SPCS2: variants seen among roughly 807,000 people sequenced by gnomAD.
SPCS2 encodes signal peptidase complex subunit 2.
In SPCS2, 3 loss-of-function variants were observed where a neutral mutation model predicts 22.3. The ratio of observed to expected loss-of-function variants is 0.13; its 90% CI spans 0.06 to 0.35. The LOEUF (loss-of-function observed/expected upper bound fraction) is 0.35. Among genes scored for constraint, SPCS2 ranks in the 10% least tolerant of loss-of-function variants. SPCS2 has a pLI of 1.00. For synonymous variants in SPCS2, 67 were observed against 97.2 expected, an observed-to-expected ratio of 0.69 and a Z score of 1.83; for missense variants, 169 against 280.9, an observed-to-expected ratio of 0.60 and a Z score of 2.85.
At position 74,974,988 on chromosome 11, in the gene SPCS2, G is replaced by A. The variant is rs1295651761; in HGVS notation, c.495-1869G>A. ...GTCTATTCCCAGGACAGCAAGCAAA[G>A]TGATCCTTTTGAAACATAAGTCAGA... On this transcript the variant is annotated intron_variant, in intron 4 of 4. Coordinates refer to ENST00000263672, the MANE Select transcript of SPCS2 (RefSeq NM_014752.3). Among the ~76,000 whole-genome samples, 9 of 152,252 alleles carry A rather than the reference G, an allele frequency of 5.9e-5. No individual in the cohort carries two copies. The East Asian group carries it at 1.7e-3, about 29-fold the overall frequency.
At chr11:74,975,046 A>G (rs1470134819) in intron 4 of SPCS2, among the ~76,000 whole-genome samples, 1 of 152,104 alleles carries the variant, frequency 6.6e-6, no homozygotes, top group Non-Finnish European at 1.5e-5. Flanking sequence ...ACTCTCTCAG[A>G]GAAATTGCCA....
chr11:74,968,518 G>GTT (rs60284428), intron 3 of SPCS2, among the ~76,000 whole-genome samples: 27 of 120,208 alleles, frequency 2.2e-4, no homozygotes, highest in East Asian at 4.8e-4. Context: ...GGTTTTTTTT[G>GTT]TTTTTTTTTT....
At position 74,973,993 on chromosome 11, in the gene SPCS2, G is replaced by A. The variant is rs1387980210; in HGVS notation, c.495-2864G>A. ...TCTTTCCCCTTCTGCTTCTCACACA[G>A]TCTCCTCATTTCTCTGCTCTCCTTT... is the stretch of plus-strand genomic sequence containing the variant. On this transcript the variant is annotated intron_variant, in intron 4 of 4. Transcript: ENST00000263672. 2.6e-5 allele frequency among the ~76,000 whole-genome samples: 4 copies of A among 151,264 alleles called. No homozygotes were observed. The East Asian group carries it at 7.7e-4, about 29-fold the overall frequency.
intron 4 of SPCS2, among the ~76,000 whole-genome samples, chr11:74,976,232 C>T (rs1366044673): frequency 6.6e-6 from 1 of 152,166 alleles, no homozygotes; most frequent in Non-Finnish European, 1.5e-5. Flanking sequence ...CAAGAATCTC[C>T]TAGACAATCC....
intron 1 of SPCS2, 63 bp downstream of exon 1, chr11:74,949,462 C>G: frequency 7.3e-7 from 1 of 1,367,588 alleles, no homozygotes; most frequent in Non-Finnish European, 1.0e-6. Flanking sequence ...GCGAGCCAAC[C>G]TTCCCATCCC....
chr11:74,954,832 G>T (rs1353836494), intron 1 of SPCS2, among the ~76,000 whole-genome samples: 1 of 152,124 alleles, frequency 6.6e-6, no homozygotes, highest in East Asian at 1.9e-4. Flanking sequence ...TCTGATAAGG[G>T]TCTAGCATCT....
At chr11:74,961,628 G>A (rs1948514966) in intron 1 of SPCS2, among the ~76,000 whole-genome samples, 1 of 150,418 alleles carries the variant, frequency 6.6e-6, no homozygotes, top group Non-Finnish European at 1.5e-5. Flanking sequence ...TGCAACCTCT[G>A]CCTCCTGGAT....
chr11:74,966,134 C>T (rs924000582), intron 3 of SPCS2, among the ~76,000 whole-genome samples: 2 of 152,098 alleles, frequency 1.3e-5, no homozygotes, highest in Non-Finnish European at 2.9e-5. Flanking sequence ...GTTATTTTAT[C>T]GTAATTCATT....
chr11:74,969,994 A>G (rs890892407), intron 4 of SPCS2, among the ~76,000 whole-genome samples: 2 of 152,236 alleles, frequency 1.3e-5, no homozygotes, highest in Admixed American at 6.5e-5. Context: ...ATGTGAGATC[A>G]GTTATCTTTG....
intron 1 of SPCS2, among the ~76,000 whole-genome samples, chr11:74,950,611 A>G (rs139169656): frequency 0.013 from 1,914 of 152,302 alleles, 14 homozygotes; most frequent in Non-Finnish European, 0.02. Context: ...ATCTTAGCTC[A>G]CTGCGGCCTT....
At chr11:74,973,905 G>A (rs773103610) in intron 4 of SPCS2, among the ~76,000 whole-genome samples, 9 of 151,648 alleles carry the variant, frequency 5.9e-5, no homozygotes, top group Non-Finnish European at 1.2e-4. Flanking sequence ...CCTCTCTGCT[G>A]GATCATTCCT....
At chr11:74,969,012 T>C (rs796229060) in intron 3 of SPCS2, among the ~76,000 whole-genome samples, 9 of 152,338 alleles carry the variant, frequency 5.9e-5, no homozygotes, top group African/African-American at 1.7e-4. Flanking sequence ...AAAGCTCTTA[T>C]GCCAGTTTTT....
intron 1 of SPCS2, 73 bp downstream of exon 1, chr11:74,949,472 C>A: frequency 3.1e-6 from 4 of 1,307,822 alleles, no homozygotes; most frequent in South Asian, 2.5e-5. Flanking sequence ...CTTCCCATCC[C>A]GGTCTCCCTT....
At chr11:74,969,355 T>C (rs1276613924) in intron 3 of SPCS2, among the ~76,000 whole-genome samples, 1 of 152,196 alleles carries the variant, frequency 6.6e-6, no homozygotes, top group Non-Finnish European at 1.5e-5. Flanking sequence ...CTTTCTGAGG[T>C]GTTTGCAGAA....
intron 1 of SPCS2, 112 bp from the exon 2 acceptor site, chr11:74,964,922 G>C: frequency 1.5e-6 from 1 of 678,846 alleles, no homozygotes; most frequent in South Asian, 2.1e-5. Flanking sequence ...AACATCAGAA[G>C]ACAAAGAGTA....
chr11:74,951,159 T>G (rs1302421222), intron 1 of SPCS2, among the ~76,000 whole-genome samples: 1 of 152,198 alleles, frequency 6.6e-6, no homozygotes, highest in Non-Finnish European at 1.5e-5. Context: ...GATCATAAGA[T>G]TTCAGCTTTG....
In SPCS2 at chr11:74,969,592, C is replaced by T. The variant is rs1221827437; in HGVS notation, c.387C>T (p.Thr129=). The T allele has an allele frequency of 6.8e-6, 11 of 1,613,142 alleles. No individual in the cohort carries two copies. The highest frequency in any genetic ancestry group is 8.5e-6 in the Non-Finnish European group (10 of 1,179,406). The change falls in exon 4 of 5, where the codon ACC becomes ACT. Residue 129 remains threonine, a synonymous_variant. Coordinates refer to ENST00000263672, the MANE Select transcript of SPCS2 (RefSeq NM_014752.3). ...ISYFVMMGIL[T]IYTSYKEKSI... Reference sequence around the variant, plus strand: ...ATTTTGTGATGATGGGGATTCTGACCATTTATACCTCATATAAGGAGAAGA... The same window carrying T: ...ATTTTGTGATGATGGGGATTCTGACTATTTATACCTCATATAAGGAGAAGA...
At chr11:74,963,583 A>G in intron 1 of SPCS2, 1 of 432,846 alleles carries the variant, frequency 2.3e-6, no homozygotes, top group East Asian at 7.5e-5. Context: ...TTATTTATTT[A>G]TTTATTTTCA....
intron 1 of SPCS2, among the ~76,000 whole-genome samples, chr11:74,953,198 A>T (rs994050447): frequency 1.8e-4 from 27 of 151,910 alleles, no homozygotes; most frequent in South Asian, 2.1e-4. Flanking sequence ...GGGAATGAGA[A>T]GCTATTACCT....
Sources: allele counts gnomAD v4.1 joint callset (sites outside exome capture counted in the v4.1 genomes callset), GRCh38; gene constraint gnomAD v4.1.1; transcripts MANE v1.5; gene names NCBI Gene and HGNC (gene_info 2026-07-23, HGNC 2026-07-21).